The following CPSF3 variants were observed in gnomAD, a reference collection of about 807,000 sequenced individuals.
The protein encoded by CPSF3 is cleavage and polyadenylation specific factor 3.
A neutral mutation model predicts 84.1 loss-of-function variants in CPSF3; 57 were observed. The observed-to-expected ratio is 0.68, with a 90% CI of 0.55 to 0.85. The LOEUF is 0.85. Ranked by LOEUF, CPSF3 falls within the 40% of genes least tolerant of loss-of-function variation. The pLI, the probability that CPSF3 is intolerant of heterozygous loss-of-function variation, is 0.00. For missense variants in CPSF3, 522 were observed against 838.8 expected, an observed-to-expected ratio of 0.62 and a Z score of 4.66; for synonymous variants, 275 against 278.1, an observed-to-expected ratio of 0.99 and a Z score of 0.11.
At chr2:9,463,773 G>A (rs779437551) in intron 15 of CPSF3, among the ~76,000 whole-genome samples, 5 of 152,184 alleles carry the variant, frequency 3.3e-5, no homozygotes, top group East Asian at 1.9e-4. Flanking sequence ...CACCTAGCCC[G>A]CCTGCTTTGG....
intron 12 of CPSF3, among the ~76,000 whole-genome samples, chr2:9,454,599 G>A (rs953728899): frequency 2.2e-5 from 3 of 138,834 alleles, no homozygotes; most frequent in Non-Finnish European, 4.5e-5. Context: ...CTGGAGTGCA[G>A]TGGCGTGCCG....
At chr2:9,454,539 C>CTTT (rs36115189) in intron 12 of CPSF3, among the ~76,000 whole-genome samples, 44 of 87,980 alleles carry the variant, frequency 5.0e-4, no homozygotes, top group Non-Finnish European at 7.2e-4. Context: ...CTCTTATACT[C>CTTT]TTTTTTTTTT....
intron 16 of CPSF3, 128 bp from the exon 17 acceptor site, chr2:9,471,213 CAA>C (rs58209081): frequency 3.5e-4 from 151 of 435,484 alleles, no homozygotes; most frequent in Middle Eastern, 6.2e-4. Context: ...GACTCCATCT[CAA>C]AAAAAAAAAG....
At chr2:9,436,463 G>T (rs1680785558) in intron 7 of CPSF3, 102 bp downstream of exon 7, 4 of 1,278,400 alleles carry the variant, frequency 3.1e-6, no homozygotes, top group Non-Finnish European at 1.1e-6. Flanking sequence ...CTGGACTTCA[G>T]TTTTCTTCAT....
At chr2:9,467,525 T>C (rs1682018056) in intron 15 of CPSF3, among the ~76,000 whole-genome samples, 182 bp from the exon 16 acceptor site, 1 of 152,112 alleles carries the variant, frequency 6.6e-6, no homozygotes, top group South Asian at 2.1e-4. Context: ...GAACATGAAA[T>C]TAAATGATGA....
intron 6 of CPSF3, among the ~76,000 whole-genome samples, chr2:9,435,994 A>C (rs1680764996): frequency 6.6e-6 from 1 of 152,214 alleles, no homozygotes; most frequent in Non-Finnish European, 1.5e-5. Context: ...TGGCTTCCCA[A>C]AGTGCTGGGA....
intron 16 of CPSF3, among the ~76,000 whole-genome samples, chr2:9,469,551 G>A (rs910779992): frequency 2.6e-5 from 4 of 152,126 alleles, no homozygotes; most frequent in Non-Finnish European, 5.9e-5. Context: ...GGAGCCGTGG[G>A]GAGGGCAGTC....
intron 12 of CPSF3, among the ~76,000 whole-genome samples, chr2:9,454,447 T>C (rs920973348): frequency 6.6e-5 from 10 of 152,004 alleles, no homozygotes; most frequent in African/African-American, 1.7e-4. Flanking sequence ...GTGAGGTATT[T>C]ACCTGTGAGA....
At chr2:9,466,338 ACACGCG>A (rs775969843) in intron 15 of CPSF3, among the ~76,000 whole-genome samples, 37,538 of 118,190 alleles carry the variant, frequency 0.32, 5,196 homozygotes, top group Middle Eastern at 0.43. Context: ...ACGCACGCAC[ACACGCG>A]CGCGCGCGCA....
rs1681389241 is a variant in CPSF3 at position 9,452,995 on chromosome 2, A to C, written c.1478A>C (p.His493Pro). Residue 493 changes from histidine (H) to proline (P), a missense_variant, in exon 12 of 18, where the codon CAC becomes CCC. Around this residue, in one of 2 missense-constraint regions of CPSF3, gnomAD observed 193 missense variants for 231.6 expected, o/e 0.83. Transcript: ENST00000238112. ...GILVKRNFNY[H>P]ILSPCDLSNY... is the part of the protein sequence containing the mutation. Reference sequence around the variant, plus strand: ...CTTGTTAAAAGAAACTTTAATTATCACATACTTTCTCCTTGCGACCTGTCC... The same window carrying C: ...CTTGTTAAAAGAAACTTTAATTATCCCATACTTTCTCCTTGCGACCTGTCC... 3.1e-6 allele frequency: 5 copies of C among 1,609,566 alleles called. No individual in the cohort carries two copies. Among genetic ancestry groups the C allele is most frequent in the Non-Finnish European group, 4.2e-6 (5 of 1,178,106 alleles).
intron 11 of CPSF3, among the ~76,000 whole-genome samples, chr2:9,451,988 T>C (rs941151053): frequency 6.6e-6 from 1 of 152,076 alleles, no homozygotes; most frequent in African/African-American, 2.4e-5. Context: ...AATGCTGGGA[T>C]TATGGGCGTG....
chr2:9,455,795 G>A (rs774370900), intron 13 of CPSF3, 38 bp downstream of exon 13: 1 of 1,403,158 alleles, frequency 7.1e-7, no homozygotes, highest in Non-Finnish European at 1.0e-6. Context: ...ATTGTTTTCT[G>A]TCTTTTAGTA....
At chr2:9,424,139 A>G (rs576604873) in intron 1 of CPSF3, 3 of 1,098,984 alleles carry the variant, frequency 2.7e-6, no homozygotes, top group South Asian at 3.0e-5. Flanking sequence ...TAGCACAAGC[A>G]CGGATCTCTG....
chr2:9,452,768 C>T, intron 11 of CPSF3, 145 bp from the exon 12 acceptor site: 1 of 619,416 alleles, frequency 1.6e-6, no homozygotes, highest in Non-Finnish European at 2.9e-6. Flanking sequence ...AGATATCAAA[C>T]ATTTTATGTT....
chr2:9,450,394 A>G (rs1176316001), intron 11 of CPSF3, among the ~76,000 whole-genome samples: 1 of 150,192 alleles, frequency 6.7e-6, no homozygotes, highest in African/African-American at 2.4e-5. Flanking sequence ...ACCTCAAATG[A>G]TCCACGTGCC....
intron 1 of CPSF3, among the ~76,000 whole-genome samples, chr2:9,425,755 C>A (rs575421190): frequency 3.1e-5 from 1 of 31,906 alleles, no homozygotes; most frequent in South Asian, 6.6e-4. Context: ...AGTTTACATA[C>A]CATACAACTC....
chr2:9,447,896 A>T (rs1370940832), intron 10 of CPSF3, among the ~76,000 whole-genome samples: 1 of 152,230 alleles, frequency 6.6e-6, no homozygotes, highest in Non-Finnish European at 1.5e-5. Context: ...GCCCTTTACA[A>T]CTGTGAACAT....
At chr2:9,440,016 C>CTT (rs146776505) in intron 7 of CPSF3, among the ~76,000 whole-genome samples, 1 of 151,356 alleles carries the variant, frequency 6.6e-6, no homozygotes, top group African/African-American at 2.4e-5. Flanking sequence ...TATGACTATA[C>CTT]TTTTTTTTTA....
chr2:9,449,673 T>C lies in CPSF3; in HGVS notation c.1395+1323T>C, dbSNP rs1681250399. On this transcript the variant is annotated intron_variant, in intron 11 of 17. Transcript: ENST00000238112. ...GGGAGGATGGCTTGAGCTCCAGAGG[T>C]TGAGGCTACAGTGAGCCATTGTCCT... Among the ~76,000 whole-genome samples the C allele has an allele frequency of 2.6e-5, 4 of 152,144 alleles. No homozygotes were observed. The South Asian group carries it at 8.3e-4, about 32-fold the overall frequency.
Sources: allele counts gnomAD v4.1 joint callset (sites outside exome capture counted in the v4.1 genomes callset), GRCh38; gene constraint gnomAD v4.1.1; regional missense constraint gnomAD v4.1.1; transcripts MANE v1.5; gene names NCBI Gene and HGNC (gene_info 2026-07-23, HGNC 2026-07-21).